The following SCUBE1 variants were observed in gnomAD, a reference collection of about 807,000 sequenced individuals.
SCUBE1 encodes the protein signal peptide, CUB domain and EGF like domain containing 1.
A neutral mutation model predicts 124.4 loss-of-function variants in SCUBE1; 59 were observed. The observed-to-expected ratio is 0.47, with a 90% CI of 0.38 to 0.59. The LOEUF is 0.59. Ranked by LOEUF, SCUBE1 falls within the 20% of genes least tolerant of loss-of-function variation. SCUBE1 has a pLI of 0.00. For synonymous variants in SCUBE1, 545 were observed against 550.9 expected, an observed-to-expected ratio of 0.99 and a Z score of 0.15; for missense variants, 1,150 against 1,371.2, an observed-to-expected ratio of 0.84 and a Z score of 2.55.
At chr22:43,228,514 C>T (rs1013705898) in intron 9 of SCUBE1, among the ~76,000 whole-genome samples, 8 of 152,224 alleles carry the variant, frequency 5.3e-5, no homozygotes, top group Admixed American at 1.3e-4. Flanking sequence ...AACTCCCCTG[C>T]GGGCTCACGC....
At position 43,229,123 on chromosome 22, in the gene SCUBE1, G is replaced by A; in HGVS notation, c.1033C>T (p.Gln345Ter). The A allele has an allele frequency of 6.2e-7, 1 of 1,614,048 alleles. No individual in the cohort carries two copies. Among genetic ancestry groups the A allele is most frequent in the Non-Finnish European group, 8.5e-7 (1 of 1,180,032 alleles). Residue 345 changes from glutamine (Q) to a stop codon, truncating the protein, a stop_gained, in exon 9 of 22, where the codon CAG (glutamine) becomes TAG (stop). Coordinates refer to ENST00000360835, the MANE Select transcript of SCUBE1 (RefSeq NM_173050.5). LOFTEE classifies it high-confidence loss of function. ...ATGTAGCCGCGGTGACACAGGCACTGGAAGCTGCCCGGGGAGTTGATGCAG... is the reference window on the plus strand; with the variant it reads ...ATGTAGCCGCGGTGACACAGGCACTAGAAGCTGCCCGGGGAGTTGATGCAG... ...HICINSPGSF[Q>*]CLCHRGYILY...
intron 4 of SCUBE1, among the ~76,000 whole-genome samples, chr22:43,265,953 T>C (rs1202320108): frequency 6.6e-6 from 1 of 151,458 alleles, no homozygotes; most frequent in African/African-American, 2.4e-5. Context: ...ATACAAACAT[T>C]AGCCAGGTGT....
chr22:43,298,253 G>C (rs1395815103), intron 3 of SCUBE1, among the ~76,000 whole-genome samples: 3 of 152,244 alleles, frequency 2.0e-5, no homozygotes, highest in Admixed American at 6.5e-5. Context: ...GTCAAGAGCT[G>C]CTGGCACAGG....
chr22:43,279,966 G>A (rs1246636263), intron 4 of SCUBE1, among the ~76,000 whole-genome samples: 1 of 152,204 alleles, frequency 6.6e-6, no homozygotes, highest in African/African-American at 2.4e-5. Context: ...AAGCCTCAAT[G>A]AAGCCTTGAA....
At chr22:43,275,024 C>T (rs760056157) in intron 4 of SCUBE1, among the ~76,000 whole-genome samples, 1 of 152,230 alleles carries the variant, frequency 6.6e-6, no homozygotes, top group Non-Finnish European at 1.5e-5. Context: ...CTGCACTCAA[C>T]AGACAAACGT....
At chr22:43,254,174 C>G (rs965016195) in intron 6 of SCUBE1, among the ~76,000 whole-genome samples, 1 of 152,232 alleles carries the variant, frequency 6.6e-6, no homozygotes, top group African/African-American at 2.4e-5. Flanking sequence ...TGAGCTTGCC[C>G]TGTCTGCCTG....
In SCUBE1 at chr22:43,343,192, C is replaced by G. The variant is rs750279197; in HGVS notation, c.70G>C (p.Gly24Arg). ...LALGTRGRLA[G>R]GSGLPGSVDV... ...GGCTTACCTGGGAGCCCGCTGCCCCCGGCCAGCCGCCCGCGTGTGCCCAGG... is the reference window on the plus strand; with the variant it reads ...GGCTTACCTGGGAGCCCGCTGCCCCGGGCCAGCCGCCCGCGTGTGCCCAGG... Residue 24 changes from glycine to arginine, a missense_variant, in exon 1 of 22, where the codon GGG (glycine) becomes CGG (arginine). Around this residue, in one of 3 missense-constraint regions of SCUBE1, gnomAD observed 56 missense variants for 48.1 expected, o/e 1.16. Transcript: ENST00000360835. 1.3e-5 allele frequency: 15 copies of G among 1,193,084 alleles called. No individual in the cohort carries two copies. The South Asian group carries it at 3.8e-4, about 30-fold the overall frequency. The allele number at this position is 1,193,084 out of a possible 1,614,324, so 73.9% of individuals were successfully genotyped here. A position where few individuals can be genotyped will look rare whatever the true frequency, so the allele number is the denominator to read the frequency against.
intron 8 of SCUBE1, among the ~76,000 whole-genome samples, chr22:43,231,455 G>C (rs1922548223): frequency 6.6e-6 from 1 of 152,236 alleles, no homozygotes; most frequent in Admixed American, 6.5e-5. Flanking sequence ...AGAGGAGTTC[G>C]ATGCTGGGAG....
At chr22:43,279,048 C>T (rs763858733) in intron 4 of SCUBE1, among the ~76,000 whole-genome samples, 4 of 152,100 alleles carry the variant, frequency 2.6e-5, no homozygotes, top group African/African-American at 4.8e-5. Context: ...AGAGGAAGCT[C>T]GAGGACCAGC....
intron 6 of SCUBE1, among the ~76,000 whole-genome samples, chr22:43,245,929 T>C (rs1042882075): frequency 6.6e-6 from 1 of 151,866 alleles, no homozygotes; most frequent in Non-Finnish European, 1.5e-5. Context: ...AGTGGGCGGG[T>C]GGGTGTTCCC....
At chr22:43,229,912 C>T (rs1024331319) in intron 8 of SCUBE1, among the ~76,000 whole-genome samples, 2 of 152,098 alleles carry the variant, frequency 1.3e-5, no homozygotes, top group Admixed American at 6.5e-5. Flanking sequence ...GATGGGGACC[C>T]CTGAAGGCAA....
chr22:43,313,869 C>T (rs1026994117), intron 3 of SCUBE1, among the ~76,000 whole-genome samples: 3 of 152,224 alleles, frequency 2.0e-5, no homozygotes, highest in African/African-American at 7.2e-5. Flanking sequence ...CCATCAGCCT[C>T]ATTTCTCCTA....
rs1036133256 is a variant in SCUBE1 at position 43,315,796 on chromosome 22, T to C, written c.349+4141A>G. Reference sequence around the variant, plus strand: ...TACCCAGTTCTTTTAAATTAATCAGTGTAAACATAATCCATTGTGAAAACA... The same window carrying C: ...TACCCAGTTCTTTTAAATTAATCAGCGTAAACATAATCCATTGTGAAAACA... On this transcript the variant is annotated intron_variant, in intron 3 of 21. Coordinates refer to ENST00000360835, the MANE Select transcript of SCUBE1 (RefSeq NM_173050.5). 8.5e-5 allele frequency among the ~76,000 whole-genome samples: 13 copies of C among 152,168 alleles called. 1 individual carries two copies. The East Asian group carries it at 2.5e-3, about 29-fold the overall frequency.
chr22:43,209,918 C>T (rs966149847), intron 19 of SCUBE1, 125 bp downstream of exon 19: 3 of 1,029,342 alleles, frequency 2.9e-6, no homozygotes, highest in Admixed American at 2.6e-5. Flanking sequence ...AGGGGCTGGT[C>T]CTCTGAGCCC....
intron 4 of SCUBE1, among the ~76,000 whole-genome samples, chr22:43,267,931 C>G: frequency 6.6e-6 from 1 of 152,324 alleles, no homozygotes; most frequent in East Asian, 1.9e-4. Flanking sequence ...CCCTGAGGCA[C>G]GTGAGGTGCT....
rs1469598680 is a variant in SCUBE1, at chr22:43,199,025, G to C, written c.*4972C>G. ...GCTGTCCGGGGCAGTGTGTCTGTTT[G>C]TCTCTCTGCTGTCCAGGGCAATGTG... On this transcript the variant is annotated 3_prime_UTR_variant, in exon 22 of 22. Coordinates refer to ENST00000360835, the MANE Select transcript of SCUBE1 (RefSeq NM_173050.5). 5.6e-6 allele frequency: 2 copies of C among 355,728 alleles called. No homozygotes were observed. The highest frequency in any genetic ancestry group is 1.5e-4 in the East Asian group (2 of 13,354). 22.0% of individuals were successfully genotyped at this position (355,728 alleles called of 1,614,324 possible).
intron 4 of SCUBE1, among the ~76,000 whole-genome samples, chr22:43,263,757 C>A (rs1923959903): frequency 6.6e-6 from 1 of 152,200 alleles, no homozygotes; most frequent in Non-Finnish European, 1.5e-5. Context: ...CTGCATTTTG[C>A]CCGGCACTGT....
intron 4 of SCUBE1, among the ~76,000 whole-genome samples, chr22:43,280,700 CACCTTCCTCCTCGGCCACCCTCCTGT>C: frequency 1.5e-5 from 1 of 67,598 alleles, no homozygotes; most frequent in African/African-American, 6.7e-5. Flanking sequence ...ACATCCCCAC[CACCTTCCTCCTCGGCCACCCTCCTGT>C]CACCTTCCTC....
intron 4 of SCUBE1, among the ~76,000 whole-genome samples, chr22:43,290,502 C>T (rs1267757434): frequency 6.6e-6 from 1 of 152,258 alleles, no homozygotes; most frequent in East Asian, 1.9e-4. Flanking sequence ...ACCTAGTGCT[C>T]CAGCTGGTGG....
Sources: allele counts gnomAD v4.1 joint callset (sites outside exome capture counted in the v4.1 genomes callset), GRCh38; gene constraint gnomAD v4.1.1; regional missense constraint gnomAD v4.1.1; transcripts MANE v1.5; gene names NCBI Gene and HGNC (gene_info 2026-07-23, HGNC 2026-07-21).